Variants in SLC35F3 observed in about 807,000 individuals in gnomAD.
SLC35F3 encodes the protein solute carrier family 35 member F3, also known as putative thiamine transporter SLC35F3.
A neutral mutation model predicts 49.9 loss-of-function variants in SLC35F3; 25 were observed. The ratio of observed to expected loss-of-function variants is 0.50; its 90% CI spans 0.37 to 0.70. SLC35F3 has a LOEUF of 0.70. SLC35F3 is among the 30% of genes least tolerant of loss of function. SLC35F3 has a pLI of 0.00. For synonymous variants in SLC35F3, 275 were observed against 265.4 expected, an observed-to-expected ratio of 1.04 and a Z score of -0.35; for missense variants, 525 against 639.8, an observed-to-expected ratio of 0.82 and a Z score of 1.94.
intron 2 of SLC35F3, among the ~76,000 whole-genome samples, chr1:234,192,161 A>T (rs1666741251): frequency 6.6e-6 from 1 of 152,166 alleles, no homozygotes; most frequent in Non-Finnish European, 1.5e-5. Flanking sequence ...AAAAAAAGAA[A>T]ACTACAAACC....
intron 2 of SLC35F3, among the ~76,000 whole-genome samples, chr1:234,003,835 A>C (rs4623775): frequency 0.12 from 18,073 of 152,216 alleles, 1,474 homozygotes; most frequent in East Asian, 0.41. Flanking sequence ...GAAAATCAGA[A>C]TGGTCAATTA....
chr1:234,109,055 G>C (rs1331591760), intron 2 of SLC35F3, among the ~76,000 whole-genome samples: 2 of 151,924 alleles, frequency 1.3e-5, no homozygotes, highest in Non-Finnish European at 2.9e-5. Flanking sequence ...ATTCTGCTCT[G>C]ACCATCCTGA....
intron 2 of SLC35F3, among the ~76,000 whole-genome samples, chr1:233,998,247 T>A (rs1663494041): frequency 3.3e-5 from 5 of 152,120 alleles, no homozygotes; most frequent in Admixed American, 3.3e-4. Context: ...AATTCAATCA[T>A]TCTCCTACCT....
intron 3 of SLC35F3, chr1:234,272,280 C>A (rs535667976): frequency 6.6e-6 from 1 of 152,114 alleles, no homozygotes; most frequent in Non-Finnish European, 1.5e-5. Context: ...AAGGGCAGCA[C>A]GTAATTATTA....
chr1:234,291,871 G>A (rs966139794), intron 3 of SLC35F3, among the ~76,000 whole-genome samples: 10 of 152,152 alleles, frequency 6.6e-5, no homozygotes, highest in African/African-American at 1.9e-4. Context: ...CAAAAATATT[G>A]GGAGCTAGTG....
intron 2 of SLC35F3, among the ~76,000 whole-genome samples, chr1:233,979,451 A>G (rs1663144758): frequency 6.6e-6 from 1 of 152,230 alleles, no homozygotes; most frequent in South Asian, 2.1e-4. Flanking sequence ...TTTTGTCCTT[A>G]TATTTGGCAG....
At chr1:234,116,748 A>C (rs1223809802) in intron 2 of SLC35F3, among the ~76,000 whole-genome samples, 3 of 152,128 alleles carry the variant, frequency 2.0e-5, no homozygotes, top group African/African-American at 4.8e-5. Context: ...TCCTGACCTC[A>C]AGTGATCCAC....
intron 2 of SLC35F3, among the ~76,000 whole-genome samples, chr1:234,038,506 A>G (rs1664176877): frequency 6.6e-6 from 1 of 152,054 alleles, no homozygotes; most frequent in South Asian, 2.1e-4. Context: ...GTCAAATGGT[A>G]TTTCTAGTTC....
chr1:234,108,512 T>TATATGTTATTTATATATATAAAA (rs1327594031), intron 2 of SLC35F3, among the ~76,000 whole-genome samples: 2 of 102,350 alleles, frequency 2.0e-5, no homozygotes, highest in Non-Finnish European at 3.7e-5. Flanking sequence ...TATATATAAA[T>TATATGTTATTTATATATATAAAA]GATATATATT....
At chr1:234,059,722 T>A (rs1462774271) in intron 2 of SLC35F3, among the ~76,000 whole-genome samples, 2 of 151,934 alleles carry the variant, frequency 1.3e-5, no homozygotes, top group Admixed American at 6.6e-5. Flanking sequence ...ACTTACATGA[T>A]CACAAGATCC....
At position 234,215,449 on chromosome 1, in the gene SLC35F3, C is replaced by G. The variant is rs1464977796; in HGVS notation, c.284-15968C>G. 2.0e-5 allele frequency among the ~76,000 whole-genome samples: 3 copies of G among 152,218 alleles called. No homozygotes were observed. The South Asian group carries it at 6.2e-4, about 32-fold the overall frequency. The stretch of plus-strand genomic sequence containing the variant: ...CAGGAGGCAGAGGTGGAATGACTAA[C>G]TCCCTCTGCCAGGAGCAAGCCACCT... On this transcript the variant is annotated intron_variant, in intron 2 of 7. Coordinates refer to ENST00000366618, the MANE Select transcript of SLC35F3 (RefSeq NM_173508.4).
chr1:234,028,251 G>A (rs1041024786), intron 2 of SLC35F3, among the ~76,000 whole-genome samples: 9 of 152,210 alleles, frequency 5.9e-5, no homozygotes, highest in Non-Finnish European at 1.2e-4. Flanking sequence ...CTGATCCTCA[G>A]ATAAAACAGG....
chr1:234,233,356 G>A lies in SLC35F3; in HGVS notation c.608+1615G>A, dbSNP rs540287116. Among the ~76,000 whole-genome samples the A allele has an allele frequency of 2.5e-4, 38 of 152,312 alleles. No individual in the cohort carries two copies. The South Asian group carries it at 7.1e-3, about 28-fold the overall frequency. ...ATGCTCAAAGTGAGCTTATATGCAC[G>A]TTCTTGATCAAGAATTATTGGGAGA... is the stretch of plus-strand genomic sequence containing the variant. On this transcript the variant is annotated intron_variant, in intron 3 of 7. Transcript: ENST00000366618.
At chr1:234,277,970 G>T (rs961088855) in intron 3 of SLC35F3, among the ~76,000 whole-genome samples, 8 of 152,108 alleles carry the variant, frequency 5.3e-5, no homozygotes, top group African/African-American at 1.9e-4. Context: ...GAGGAGGGAA[G>T]ATGGCTTAAG....
intron 2 of SLC35F3, among the ~76,000 whole-genome samples, chr1:234,212,142 T>G (rs1377739807): frequency 2.0e-5 from 3 of 152,210 alleles, no homozygotes; most frequent in African/African-American, 7.2e-5. Context: ...CCCAGCCACG[T>G]GGAAATATAA....
At chr1:234,013,286 A>G (rs1051082346) in intron 2 of SLC35F3, among the ~76,000 whole-genome samples, 9 of 152,202 alleles carry the variant, frequency 5.9e-5, no homozygotes, top group African/African-American at 2.2e-4. Flanking sequence ...TTTGAGACAA[A>G]TTAAAATAGC....
chr1:233,922,358 A>C (rs987829233), intron 2 of SLC35F3, among the ~76,000 whole-genome samples: 4 of 151,660 alleles, frequency 2.6e-5, no homozygotes, highest in African/African-American at 9.7e-5. Context: ...ATGGTATCTC[A>C]TTGTGGTTTT....
intron 2 of SLC35F3, among the ~76,000 whole-genome samples, chr1:234,126,433 G>T (rs1409880845): frequency 6.7e-6 from 1 of 148,788 alleles, no homozygotes; most frequent in Non-Finnish European, 1.5e-5. Flanking sequence ...GTGACAACCA[G>T]GATATCGACA....
rs865900782 is a variant in SLC35F3 at position 233,920,018 on chromosome 1, G to A, written c.283+14260G>A. On this transcript the variant is annotated intron_variant, in intron 2 of 7. Transcript: ENST00000366618. ...TCACCTCATGGGTGAGTCATCTCTA[G>A]GAGGGTGTTGTTAATGCCGTTTGCA... is the stretch of plus-strand genomic sequence containing the variant. Among the ~76,000 whole-genome samples the A allele has an allele frequency of 1.6e-4, 24 of 152,308 alleles. No homozygotes were observed. In the Middle Eastern group the frequency reaches 0.01, roughly 65 times the overall value.
Sources: allele counts gnomAD v4.1 joint callset (sites outside exome capture counted in the v4.1 genomes callset), GRCh38; gene constraint gnomAD v4.1.1; transcripts MANE v1.5; gene names NCBI Gene and HGNC (gene_info 2026-07-23, HGNC 2026-07-21).